TTL: variants seen among roughly 807,000 people sequenced by gnomAD.
The protein encoded by TTL is tubulin tyrosine ligase, also known as tubulin--tyrosine ligase.
In TTL, 10 loss-of-function variants were observed where a neutral mutation model predicts 41.1. The observed-to-expected ratio is 0.24, with a 90% CI of 0.15 to 0.41. The LOEUF (loss-of-function observed/expected upper bound fraction) is 0.41. Ranked by LOEUF, TTL falls within the 10% of genes least tolerant of loss-of-function variation. TTL has a pLI of 1.00. For synonymous variants in TTL, 175 were observed against 175.5 expected (o/e 1.00, Z 0.02); for missense variants, 367 against 460.4 (o/e 0.80, Z 1.86).
At chr2:112,496,665 C>CTGTGTGTGTGTGCGTG (rs1681533948) in intron 3 of TTL, among the ~76,000 whole-genome samples, 5 of 106,052 alleles carry the variant, frequency 4.7e-5, no homozygotes, top group Non-Finnish European at 1.8e-5. Flanking sequence ...ATATATGTGT[C>CTGTGTGTGTGTGCGTG]TGTGTGTGTG....
chr2:112,513,598 T>G (rs1681984481), intron 5 of TTL, among the ~76,000 whole-genome samples: 1 of 149,642 alleles, frequency 6.7e-6, no homozygotes, highest in Non-Finnish European at 1.5e-5. Context: ...AGTATAAATA[T>G]TTATACAAGT....
intron 2 of TTL, among the ~76,000 whole-genome samples, chr2:112,488,915 C>T (rs938812528): frequency 4.6e-5 from 7 of 151,772 alleles, no homozygotes; most frequent in Non-Finnish European, 1.0e-4. Flanking sequence ...GGTGAAACCC[C>T]GTCTCTATTA....
chr2:112,518,396 T>G (rs567291815), intron 5 of TTL, among the ~76,000 whole-genome samples: 6 of 152,088 alleles, frequency 3.9e-5, no homozygotes, highest in African/African-American at 1.4e-4. Context: ...AGAAGAAATT[T>G]TTATTATAAT....
At chr2:112,494,403 T>G in intron 3 of TTL, 28 bp downstream of exon 3, 7 of 1,551,434 alleles carry the variant, frequency 4.5e-6, no homozygotes, top group Non-Finnish European at 6.2e-6. Flanking sequence ...TCCCCTTCTC[T>G]ATTCCTGGTA....
chr2:112,530,033 A>G lies in TTL; in HGVS notation c.*1238A>G, dbSNP rs1484682900. ...ACAAGATGTCATTTGTGTTCAGTGT[A>G]AGCTGAGTAAACAGGCCCTTCCTAG... On this transcript the variant is annotated 3_prime_UTR_variant, in exon 7 of 7. Coordinates refer to ENST00000233336, the MANE Select transcript of TTL (RefSeq NM_153712.5). 4.3e-6 allele frequency: 1 copy of G among 229,890 alleles called. No homozygotes were observed. Among genetic ancestry groups the G allele is most frequent in the Non-Finnish European group, 8.6e-6 (1 of 116,008 alleles). The allele number at this position is 229,890 out of a possible 1,614,324, so 14.2% of individuals were successfully genotyped here.
rs1559022347 is a variant in TTL, at chr2:112,529,159, C to T, written c.*364C>T. 2.6e-6 allele frequency: 1 copy of T among 385,192 alleles called. No individual in the cohort carries two copies. Among genetic ancestry groups the T allele is most frequent in the Non-Finnish European group, 4.9e-6 (1 of 205,374 alleles). The allele number at this position is 385,192 out of a possible 1,614,324, so 23.9% of individuals were successfully genotyped here. On this transcript the variant is annotated 3_prime_UTR_variant, in exon 7 of 7. Coordinates refer to ENST00000233336, the MANE Select transcript of TTL (RefSeq NM_153712.5). The stretch of plus-strand genomic sequence containing the variant: ...CCTTAGCTCCATGCCCGGCTGCAGC[C>T]CCACTGCTCTGGACTATGGATTGGA...
At position 112,482,274 on chromosome 2, in the gene TTL, G is replaced by A; in HGVS notation, c.-71G>A. On this transcript the variant is annotated 5_prime_UTR_variant, in exon 1 of 7. Transcript: ENST00000233336. The surrounding 1 kb of genome is among the most constrained non-coding windows in gnomAD (Gnocchi z 5.3). ...CGGCGGGCGCCCGGGCGGGGTCCGC[G>A]CTGAGCCGCCTTCTCGGCCGCCTGG... 8.1e-6 allele frequency: 9 copies of A among 1,113,216 alleles called. No homozygotes were observed. Among genetic ancestry groups the A allele is most frequent in the Non-Finnish European group, 1.0e-5 (9 of 898,616 alleles). The allele number at this position is 1,113,216 out of a possible 1,614,324, so 69.0% of individuals were successfully genotyped here. A position where few individuals can be genotyped will look rare whatever the true frequency, so the allele number is the denominator to read the frequency against.
At chr2:112,526,766 G>GT (rs1049928787) in intron 6 of TTL, among the ~76,000 whole-genome samples, 2 of 152,030 alleles carry the variant, frequency 1.3e-5, no homozygotes, top group Admixed American at 6.6e-5. Flanking sequence ...TTTTTGAAGG[G>GT]TTTTTTGTGT....
rs911153996 is a variant in TTL at position 112,535,057 on chromosome 2, G to C, written c.*6262G>C. On this transcript the variant is annotated 3_prime_UTR_variant, in exon 7 of 7. Transcript: ENST00000233336. ...GGAGGGAAGAAAAGAGAAAGATTGA[G>C]AAAGAAAAAAGAGAAAGAAGAAAGA... is the stretch of plus-strand genomic sequence containing the variant. The C allele has an allele frequency of 1.3e-5, 2 of 150,882 alleles. No individual in the cohort carries two copies. The highest frequency in any genetic ancestry group is 4.9e-5 in the African/African-American group (2 of 41,068). The allele number at this position is 150,882 out of a possible 1,614,324, so 9.3% of individuals were successfully genotyped here.
intron 4 of TTL, among the ~76,000 whole-genome samples, chr2:112,501,896 A>G (rs11899598): frequency 0.43 from 64,822 of 151,602 alleles, 14,242 homozygotes; most frequent in East Asian, 0.58. Context: ...TCTTTTCTAT[A>G]AAAATGACTT....
chr2:112,496,613 T>C (rs931742650), intron 3 of TTL, among the ~76,000 whole-genome samples: 2 of 151,924 alleles, frequency 1.3e-5, no homozygotes, highest in African/African-American at 4.8e-5. Flanking sequence ...TTGCTGTAGA[T>C]GACCCTTGTT....
intron 5 of TTL, among the ~76,000 whole-genome samples, chr2:112,506,804 GTC>G (rs1681801284): frequency 1.4e-5 from 1 of 72,186 alleles, no homozygotes; most frequent in African/African-American, 5.9e-5. Flanking sequence ...GGTTTTTTGT[GTC>G]TCTATTTCCT....
rs1207678566 is a variant in TTL at position 112,501,143 on chromosome 2, T to C, written c.470-63T>C. On this transcript the variant is annotated intron_variant, in intron 3 of 6. Transcript: ENST00000233336. Reference sequence around the variant, plus strand: ...GTTTTTGCTGTTCGTATTTCCTTTCTGGATTTATAGAGAGCTCTTGGTTTG... The same window carrying C: ...GTTTTTGCTGTTCGTATTTCCTTTCCGGATTTATAGAGAGCTCTTGGTTTG... 9 of 1,521,308 alleles carry C rather than the reference T, an allele frequency of 5.9e-6. No homozygotes were observed. The South Asian group carries it at 1.0e-4, about 17-fold the overall frequency. 94.2% of individuals were successfully genotyped at this position (1,521,308 alleles called of 1,614,324 possible). A position where few individuals can be genotyped will look rare whatever the true frequency, so the allele number is the denominator to read the frequency against.
rs919138407 is a variant in TTL at position 112,482,220 on chromosome 2, A to G, written c.-125A>G. On this transcript the variant is annotated 5_prime_UTR_variant, in exon 1 of 7. Coordinates refer to ENST00000233336, the MANE Select transcript of TTL (RefSeq NM_153712.5). The surrounding 1 kb of genome is among the most constrained non-coding windows in gnomAD (Gnocchi z 5.3). Reference sequence around the variant, plus strand: ...GCCGCCGGCACCCGAGAGGCGCGGTAGCCGGCGCGGGCGGCGGGGGCCGGG... The same window carrying G: ...GCCGCCGGCACCCGAGAGGCGCGGTGGCCGGCGCGGGCGGCGGGGGCCGGG... 8.3e-6 allele frequency: 5 copies of G among 603,214 alleles called. No homozygotes were observed. The highest frequency in any genetic ancestry group is 1.0e-5 in the Non-Finnish European group (5 of 484,948). The allele number at this position is 603,214 out of a possible 1,614,324, so 37.4% of individuals were successfully genotyped here.
At chr2:112,483,930 A>G (rs1681163815) in intron 1 of TTL, 1 of 152,200 alleles carries the variant, frequency 6.6e-6, no homozygotes, top group African/African-American at 2.4e-5. Context: ...CATGATCTGA[A>G]AGGAGAGGAA....
rs1281317654 is a variant in TTL at position 112,540,264 on chromosome 2, C to T, written c.*11469C>T. On this transcript the variant is annotated 3_prime_UTR_variant, in exon 7 of 7. Transcript: ENST00000233336. ...ACCAGCTTGGCCAACATGGTAAAAC[C>T]CTGTCTCTATTAAAAATACAAAATT... 1 of 151,922 alleles carries T rather than the reference C, an allele frequency of 6.6e-6. No homozygotes were observed. Among genetic ancestry groups the T allele is most frequent in the Non-Finnish European group, 1.5e-5 (1 of 67,982 alleles). 9.4% of individuals were successfully genotyped at this position (151,922 alleles called of 1,614,324 possible). A position where few individuals can be genotyped will look rare whatever the true frequency, so the allele number is the denominator to read the frequency against.
intron 5 of TTL, among the ~76,000 whole-genome samples, chr2:112,510,457 A>G (rs1232762549): frequency 6.6e-6 from 1 of 151,966 alleles, no homozygotes. Context: ...GAAAGTTTAA[A>G]TAATTGATTT....
Position 112,513,249 on chromosome 2 carries a change from A to G in TTL, c.876-7033A>G, listed in dbSNP as rs1219884951. Among the ~76,000 whole-genome samples, 4 of 152,140 alleles carry G rather than the reference A, an allele frequency of 2.6e-5. No homozygotes were observed. In the East Asian group the frequency reaches 7.7e-4, roughly 29 times the overall value. Reference sequence around the variant, plus strand: ...TTTTTAAACTATAAAACCAAACTCTATACTGTCTATAAGAAATCCACTTTA... The same window carrying G: ...TTTTTAAACTATAAAACCAAACTCTGTACTGTCTATAAGAAATCCACTTTA... On this transcript the variant is annotated intron_variant, in intron 5 of 6. Transcript: ENST00000233336.
rs1682597924 is a variant in TTL, at chr2:112,536,339, C to G, written c.*7544C>G. 1 of 152,120 alleles carries G rather than the reference C, an allele frequency of 6.6e-6. No individual in the cohort carries two copies. The highest frequency in any genetic ancestry group is 1.5e-5 in the Non-Finnish European group (1 of 68,040). 9.4% of individuals were successfully genotyped at this position (152,120 alleles called of 1,614,324 possible). ...TCCTGCCTCAGTCTCCCCTAAGCAG[C>G]TGGGATTACAGGCATCAGCCAATGC... On this transcript the variant is annotated 3_prime_UTR_variant, in exon 7 of 7. Coordinates refer to ENST00000233336, the MANE Select transcript of TTL (RefSeq NM_153712.5).
Sources: gnomAD v4.1 joint callset for allele counts (sites outside exome capture counted in the v4.1 genomes callset) on GRCh38, gnomAD v4.1.1 for gene constraint, Gnocchi (gnomAD v3.1) non-coding constraint, MANE v1.5 for transcripts, NCBI Gene and HGNC (gene_info 2026-07-23, HGNC 2026-07-21) for gene names.